The following NTPCR variants were observed in gnomAD, a reference collection of about 807,000 sequenced individuals.
NTPCR encodes the protein nucleoside-triphosphatase, cancer-related.
NTPCR carries 15 observed loss-of-function variants against 19.5 expected under a neutral mutation model. The ratio of observed to expected loss-of-function variants is 0.77; its 90% CI spans 0.51 to 1.18. NTPCR has a LOEUF of 1.18. Among genes scored for constraint, NTPCR ranks in the 50% most tolerant of loss-of-function variants. The pLI is 0.00. For missense variants in NTPCR, 206 were observed against 240.4 expected (o/e 0.86, Z 0.95); for synonymous variants, 90 against 95.8 (o/e 0.94, Z 0.36).
chr1:232,977,260 G>C (rs1669150269), intron 4 of NTPCR: 1 of 152,768 alleles, frequency 6.5e-6, no homozygotes, highest in African/African-American at 2.4e-5. Flanking sequence ...CTGCCCCCCA[G>C]ACTCCTTCAT....
chr1:232,953,293 G>C (rs951642768), intron 1 of NTPCR, among the ~76,000 whole-genome samples: 1 of 152,192 alleles, frequency 6.6e-6, no homozygotes, highest in African/African-American at 2.4e-5. Flanking sequence ...TTTCTGATCT[G>C]TTTGTGCCTG....
rs146915678 is a variant in NTPCR at position 232,971,611 on chromosome 1, G to A, written c.504+1493G>A. On this transcript the variant is annotated intron_variant, in intron 4 of 4. Coordinates refer to ENST00000366628, the MANE Select transcript of NTPCR (RefSeq NM_032324.3). ...GTGTCATTCTAAGTCTTGGGATACT[G>A]TGGTGAACGAGACTGACCAAGGCGC... 6.1e-4 allele frequency among the ~76,000 whole-genome samples: 93 copies of A among 152,346 alleles called. 1 individual carries two copies. In the East Asian group the frequency reaches 0.012, roughly 20 times the overall value.
At chr1:232,972,194 T>C (rs1669003194) in intron 4 of NTPCR, among the ~76,000 whole-genome samples, 1 of 152,174 alleles carries the variant, frequency 6.6e-6, no homozygotes, top group Non-Finnish European at 1.5e-5. Flanking sequence ...ATAAAACAAT[T>C]AGCTTTGAGT....
chr1:232,961,491 TC>T (rs560896479), intron 3 of NTPCR, among the ~76,000 whole-genome samples: 63 of 152,388 alleles, frequency 4.1e-4, no homozygotes, highest in African/African-American at 1.4e-3. Context: ...TTTCAGTTGT[TC>T]ATTAAGTTTT....
intron 4 of NTPCR, among the ~76,000 whole-genome samples, chr1:232,971,066 C>T (rs956593308): frequency 2.6e-5 from 4 of 152,218 alleles, no homozygotes; most frequent in Non-Finnish European, 5.9e-5. Flanking sequence ...CTGAGCCAGT[C>T]GGAAGGGACT....
At chr1:232,958,662 T>C (rs2102741466) in intron 3 of NTPCR, among the ~76,000 whole-genome samples, 1 of 152,362 alleles carries the variant, frequency 6.6e-6, no homozygotes, top group South Asian at 2.1e-4. Flanking sequence ...TTACCCTCAG[T>C]TCCTGTGCTG....
chr1:232,966,230 GA>G (rs1668813229), intron 3 of NTPCR: 1 of 152,172 alleles, frequency 6.6e-6, no homozygotes, highest in Non-Finnish European at 1.5e-5. Context: ...GCTGTTTGGC[GA>G]AGGGCTGCAG....
chr1:232,975,477 A>C (rs1669099569), intron 4 of NTPCR, among the ~76,000 whole-genome samples: 1 of 152,230 alleles, frequency 6.6e-6, no homozygotes, highest in African/African-American at 2.4e-5. Flanking sequence ...TGGAGCAGGC[A>C]GGGGAAGAAA....
chr1:232,952,607 C>G (rs1668398635), intron 1 of NTPCR, among the ~76,000 whole-genome samples: 1 of 152,018 alleles, frequency 6.6e-6, no homozygotes, highest in Admixed American at 6.5e-5. Context: ...ACCTTCCAGG[C>G]TCAAACCATC....
At chr1:232,974,937 G>A (rs1373402336) in intron 4 of NTPCR, among the ~76,000 whole-genome samples, 5 of 152,208 alleles carry the variant, frequency 3.3e-5, no homozygotes, top group African/African-American at 9.6e-5. Context: ...CATAGCAGGT[G>A]ACTTATGGGT....
chr1:232,967,108 G>C (rs571094007), intron 3 of NTPCR: 1 of 152,266 alleles, frequency 6.6e-6, no homozygotes, highest in South Asian at 2.1e-4. Context: ...CTAAGTCTGT[G>C]TCTCTATCAA....
At chr1:232,972,265 G>A (rs777518640) in intron 4 of NTPCR, among the ~76,000 whole-genome samples, 2 of 152,086 alleles carry the variant, frequency 1.3e-5, no homozygotes, top group Non-Finnish European at 2.9e-5. Flanking sequence ...TTGCTTTGGG[G>A]TTTGTGTGGT....
At chr1:232,960,447 G>A (rs948493091) in intron 3 of NTPCR, among the ~76,000 whole-genome samples, 22 of 151,420 alleles carry the variant, frequency 1.5e-4, no homozygotes, top group African/African-American at 4.9e-4. Flanking sequence ...GGGTTCAAGC[G>A]ATTCTTGTGC....
At chr1:232,960,347 TC>T (rs757673748) in intron 3 of NTPCR, among the ~76,000 whole-genome samples, 4 of 148,684 alleles carry the variant, frequency 2.7e-5, no homozygotes, top group South Asian at 4.2e-4. Flanking sequence ...CTTTTTCTTT[TC>T]CTTTTTTTTT....
chr1:232,982,371 G>C lies in NTPCR; in HGVS notation c.*4140G>C, dbSNP rs957177622. ...GGATGTGTGTGCACATCTGTGCCTC[G>C]GTATGCACACTCGAGATGCCCGCTC... On this transcript the variant is annotated 3_prime_UTR_variant, in exon 5 of 5. Coordinates refer to ENST00000366628, the MANE Select transcript of NTPCR (RefSeq NM_032324.3). 1.3e-5 allele frequency: 2 copies of C among 152,146 alleles called. No homozygotes were observed. The allele number at this position is 152,146 out of a possible 1,614,324, so 9.4% of individuals were successfully genotyped here. A position where few individuals can be genotyped will look rare whatever the true frequency, so the allele number is the denominator to read the frequency against.
rs141818491 is a variant in NTPCR at position 232,976,781 on chromosome 1, C to T, written c.505-1382C>T. 333 of 393,868 alleles carry T rather than the reference C, an allele frequency of 8.5e-4. 1 individual carries two copies. The East Asian group carries it at 9.5e-3, about 11-fold the overall frequency. The allele number at this position is 393,868 out of a possible 1,614,324, so 24.4% of individuals were successfully genotyped here. A position where few individuals can be genotyped will look rare whatever the true frequency, so the allele number is the denominator to read the frequency against. On this transcript the variant is annotated intron_variant, in intron 4 of 4. Coordinates refer to ENST00000366628, the MANE Select transcript of NTPCR (RefSeq NM_032324.3). ...AGTAGAAATGGGATCACGGGATTGA[C>T]GCAGCCAGGACCAGTAGAAATGGGA...
At chr1:232,951,171 C>CA (rs112582853) in intron 1 of NTPCR, 1,801 of 154,272 alleles carry the variant, frequency 0.012, 27 homozygotes, top group African/African-American at 0.033. Flanking sequence ...ATTGATCGTG[C>CA]AAAAAAAAAA....
intron 3 of NTPCR, chr1:232,962,402 A>G (rs888854555): frequency 6.6e-6 from 1 of 152,348 alleles, no homozygotes; most frequent in African/African-American, 2.4e-5. Context: ...GGTTATTCAT[A>G]GGGCTCTCCT....
At chr1:232,978,132 C>A in intron 4 of NTPCR, 31 bp from the exon 5 acceptor site, 4 of 1,587,364 alleles carry the variant, frequency 2.5e-6, no homozygotes, top group South Asian at 1.1e-5. Context: ...GAAAGGAGCT[C>A]TGAAGCCTGT....
Sources: allele counts gnomAD v4.1 joint callset (sites outside exome capture counted in the v4.1 genomes callset), GRCh38; gene constraint gnomAD v4.1.1; transcripts MANE v1.5; gene names NCBI Gene and HGNC (gene_info 2026-07-23, HGNC 2026-07-21).